C9: variants seen among roughly 807,000 people sequenced by gnomAD.
C9 encodes the protein complement component C9.
A neutral mutation model predicts 65.4 loss-of-function variants in C9; 63 were observed. The ratio of observed to expected loss-of-function variants is 0.96; its 90% confidence interval spans 0.79 to 1.19. The LOEUF (loss-of-function observed/expected upper bound fraction) is 1.19. Among genes scored for constraint, C9 ranks in the 50% most tolerant of loss-of-function variants. The pLI, the probability that C9 is intolerant of heterozygous loss-of-function variation, is 0.00. For synonymous variants in C9, 229 were observed against 227.9 expected (o/e 1.00, Z -0.04); for missense variants, 744 against 670.1 (o/e 1.11, Z -1.22).
At chr5:39,329,405 AT>A in intron 5 of C9, among the ~76,000 whole-genome samples, 1 of 152,174 alleles carries the variant, frequency 6.6e-6, no homozygotes, top group African/African-American at 2.4e-5. Flanking sequence ...TGAGGTAGGC[AT>A]TATTATTTCT....
chr5:39,330,562 T>C (rs1268214693), intron 5 of C9, among the ~76,000 whole-genome samples: 1 of 152,142 alleles, frequency 6.6e-6, no homozygotes, highest in Non-Finnish European at 1.5e-5. Context: ...GTGACCATGT[T>C]TGGTATTTTC....
At chr5:39,326,114 A>G (rs1039641946) in intron 5 of C9, among the ~76,000 whole-genome samples, 3 of 152,146 alleles carry the variant, frequency 2.0e-5, no homozygotes, top group Non-Finnish European at 4.4e-5. Context: ...GCACTATTCT[A>G]ATCACTTCAC....
intron 10 of C9, among the ~76,000 whole-genome samples, chr5:39,287,769 A>G (rs375717604): frequency 1.3e-5 from 2 of 152,136 alleles, no homozygotes; most frequent in East Asian, 3.9e-4. Flanking sequence ...TGGGAGCTGA[A>G]CAATGGGTAT....
In C9 at chr5:39,315,861, T is replaced by A; in HGVS notation, c.784A>T (p.Ile262Phe). The change falls in exon 6 of 11, where the codon ATT becomes TTT. Residue 262 changes from isoleucine to phenylalanine, a missense_variant. Ile to Phe is a conservative substitution (Grantham distance 21). Transcript: ENST00000263408. ...AAACTACCCTTGCCATGTAAAGAAA[T>A]TGAGGAGGCTGTTTCCTCACAACAT... ...EQCCEETASS[I>F]SLHGKGSFRF... The A allele has an allele frequency of 6.2e-7, 1 of 1,612,702 alleles. No individual in the cohort carries two copies. Among genetic ancestry groups the A allele is most frequent in the Non-Finnish European group, 8.5e-7 (1 of 1,178,798 alleles).
chr5:39,330,758 G>GT (rs1753825155), intron 5 of C9, among the ~76,000 whole-genome samples: 1 of 152,030 alleles, frequency 6.6e-6, no homozygotes, highest in Non-Finnish European at 1.5e-5. Context: ...ATGACTACAT[G>GT]TGAAAAAAAA....
chr5:39,295,354 T>C (rs1163496148), intron 9 of C9, among the ~76,000 whole-genome samples: 1 of 151,714 alleles, frequency 6.6e-6, no homozygotes, highest in Non-Finnish European at 1.5e-5. Flanking sequence ...TCGACTTTAG[T>C]AAATCTGCAG....
At chr5:39,349,069 G>A (rs765159219) in intron 1 of C9, among the ~76,000 whole-genome samples, 1 of 151,874 alleles carries the variant, frequency 6.6e-6, no homozygotes, top group Non-Finnish European at 1.5e-5. Context: ...TATACCCAAT[G>A]TAAATGACGA....
At position 39,341,650 on chromosome 5, in the gene C9, G is replaced by T. The variant is rs562897200; in HGVS notation, c.234C>A (p.Cys78Ter). Residue 78 changes from cysteine (C) to a stop codon, truncating the protein, a stop_gained, in exon 3 of 11, where the codon TGC becomes TGA. Coordinates refer to ENST00000263408, the MANE Select transcript of C9 (RefSeq NM_001737.5). LOFTEE classifies it high-confidence loss of function. ...GTCGTCTGTCTCCCACAGCGTCGGT[G>T]CATCTTTTCCCATTAAATTGTCCAA... ...EVFGQFNGKR[C>*]TDAVGDRRQC... The T allele has an allele frequency of 1.7e-5, 27 of 1,613,468 alleles. No homozygotes were observed. The highest frequency in any genetic ancestry group is 1.7e-5 in the Non-Finnish European group (20 of 1,179,502).
intron 1 of C9, among the ~76,000 whole-genome samples, chr5:39,363,363 T>C (rs1311676552): frequency 6.6e-6 from 1 of 152,178 alleles, no homozygotes; most frequent in African/African-American, 2.4e-5. Flanking sequence ...ACCCACTTGT[T>C]GAGTGGAGCC....
Position 39,285,063 on chromosome 5 carries a change from G to A in C9, c.*136C>T, listed in dbSNP as rs1424858929. ...AAAAAAAAATTATAGACCTAAGAGA[G>A]AAGAGACTTCAGAGGTTGGTAGGAT... On this transcript the variant is annotated 3_prime_UTR_variant, in exon 11 of 11. Coordinates refer to ENST00000263408, the MANE Select transcript of C9 (RefSeq NM_001737.5). 4 of 758,990 alleles carry A rather than the reference G, an allele frequency of 5.3e-6. No individual in the cohort carries two copies. The highest frequency in any genetic ancestry group is 9.4e-6 in the Non-Finnish European group (4 of 425,248). The allele number at this position is 758,990 out of a possible 1,614,324, so 47.0% of individuals were successfully genotyped here.
At chr5:39,296,392 T>A (rs1279356836) in intron 9 of C9, among the ~76,000 whole-genome samples, 5 of 151,094 alleles carry the variant, frequency 3.3e-5, no homozygotes, top group Non-Finnish European at 5.9e-5. Context: ...AGAACACACA[T>A]AAAAGGCCAA....
intron 5 of C9, among the ~76,000 whole-genome samples, chr5:39,319,655 A>C (rs1753632183): frequency 6.6e-6 from 1 of 151,990 alleles, no homozygotes; most frequent in African/African-American, 2.4e-5. Flanking sequence ...GCCACTGCAA[A>C]TCCCAAAATC....
chr5:39,351,958 T>G (rs1754331839), intron 1 of C9, among the ~76,000 whole-genome samples: 1 of 152,176 alleles, frequency 6.6e-6, no homozygotes, highest in African/African-American at 2.4e-5. Context: ...CTCACATGGC[T>G]ATAAAGAACT....
At chr5:39,324,385 G>C (rs536974935) in intron 5 of C9, among the ~76,000 whole-genome samples, 50 of 152,214 alleles carry the variant, frequency 3.3e-4, no homozygotes, top group African/African-American at 9.6e-4. Flanking sequence ...AACAATACTG[G>C]TGGCACCATG....
intron 1 of C9, among the ~76,000 whole-genome samples, chr5:39,359,153 T>A (rs1050193057): frequency 7.2e-6 from 1 of 138,428 alleles, no homozygotes; most frequent in Admixed American, 7.6e-5. Context: ...CACTGTTAAG[T>A]TGCAAGTGGG....
rs143880690 is a variant in C9 at position 39,350,182 on chromosome 5, G to A, written c.78-7986C>T. Among the ~76,000 whole-genome samples the A allele has an allele frequency of 1.2e-4, 18 of 152,200 alleles. No homozygotes were observed. The East Asian group carries it at 2.9e-3, about 25-fold the overall frequency. On this transcript the variant is annotated intron_variant, in intron 1 of 10. Coordinates refer to ENST00000263408, the MANE Select transcript of C9 (RefSeq NM_001737.5). Reference sequence around the variant, plus strand: ...ACATCAGGAGAGAGAGAGTGACGGGGGAAGTACTACACAGTTTTTAACAAC... The same window carrying A: ...ACATCAGGAGAGAGAGAGTGACGGGAGAAGTACTACACAGTTTTTAACAAC...
At chr5:39,288,544 T>C (rs982024708) in intron 10 of C9, among the ~76,000 whole-genome samples, 179 bp downstream of exon 10, 2 of 151,770 alleles carry the variant, frequency 1.3e-5, no homozygotes, top group Non-Finnish European at 2.9e-5. Flanking sequence ...AAGTAGAATA[T>C]GTCAGAATGA....
In C9 at chr5:39,352,438, T is replaced by C. The variant is rs139116899; in HGVS notation, c.78-10242A>G. Among the ~76,000 whole-genome samples, 113 of 152,268 alleles carry C rather than the reference T, an allele frequency of 7.4e-4. 1 individual carries two copies. The South Asian group carries it at 0.013, about 18-fold the overall frequency. On this transcript the variant is annotated intron_variant, in intron 1 of 10. Coordinates refer to ENST00000263408, the MANE Select transcript of C9 (RefSeq NM_001737.5). ...TGAACTCAATGCATTCCCAAATGAG[T>C]GCGTTAATTTTTCTCCCCTCTCAAA...
chr5:39,321,984 A>C (rs912263184), intron 5 of C9, among the ~76,000 whole-genome samples: 4 of 151,990 alleles, frequency 2.6e-5, no homozygotes, highest in Admixed American at 6.6e-5. Flanking sequence ...GAACTGAACT[A>C]CTCTTTAGTC....
Sources: gnomAD v4.1 joint callset for allele counts (sites outside exome capture counted in the v4.1 genomes callset) on GRCh38, gnomAD v4.1.1 for gene constraint, MANE v1.5 for transcripts, NCBI Gene and HGNC (gene_info 2026-07-23, HGNC 2026-07-21) for gene names.